The following RBFOX1 variants were observed in gnomAD, a reference collection of about 807,000 sequenced individuals.
RBFOX1 encodes RNA binding fox-1 homolog 1.
RBFOX1 carries 8 observed loss-of-function variants against 57.7 expected under a neutral mutation model. The ratio of observed to expected loss-of-function variants is 0.14; its 90% CI spans 0.08 to 0.25. The LOEUF (loss-of-function observed/expected upper bound fraction) is 0.25. Among genes scored for constraint, RBFOX1 ranks in the 10% least tolerant of loss-of-function variants. The probability of loss-of-function intolerance (pLI) is 1.00; values close to 1 mark genes in which losing one functional copy is unlikely to be tolerated. For missense variants in RBFOX1, 611 were observed against 548.5 expected (o/e 1.11, Z -1.14); for synonymous variants, 326 against 222.4 (o/e 1.47, Z -4.15).
At chr16:5,757,928 C>T (rs2053458050) in intron 3 of RBFOX1, among the ~76,000 whole-genome samples, 1 of 152,202 alleles carries the variant, frequency 6.6e-6, no homozygotes, top group Non-Finnish European at 1.5e-5. Flanking sequence ...TCTCGCTGGT[C>T]ATCACCACTG....
At chr16:5,846,318 C>T (rs569893801) in intron 3 of RBFOX1, among the ~76,000 whole-genome samples, 16 of 152,158 alleles carry the variant, frequency 1.1e-4, no homozygotes, top group South Asian at 8.3e-4. Flanking sequence ...GAGGGCACCC[C>T]CCTCTTAAAG....
intron 1 of RBFOX1, among the ~76,000 whole-genome samples, chr16:6,067,383 C>CAAATAAA (rs79297761): frequency 7.0e-6 from 1 of 143,492 alleles, no homozygotes; most frequent in Non-Finnish European, 1.5e-5. Context: ...AACAAACCAA[C>CAAATAAA]CAAACAAACA....
Position 5,525,806 on chromosome 16 carries a change from A to AC in RBFOX1, c.258+58553dup, listed in dbSNP as rs2044222643. Reference sequence around the variant, plus strand: ...AGCCACTGTGTCCAGCCTAGAGCCCACAGTCTTAACACAACAGTTCCCTCT... The same window carrying AC: ...AGCCACTGTGTCCAGCCTAGAGCCCACCAGTCTTAACACAACAGTTCCCTCT... On this transcript the variant is annotated intron_variant, in intron 2 of 2. Transcript: ENST00000585867. 2.6e-5 allele frequency among the ~76,000 whole-genome samples: 4 copies of AC among 152,150 alleles called. No individual in the cohort carries two copies. In the South Asian group the frequency reaches 8.3e-4, roughly 32 times the overall value.
chr16:7,285,754 G>A (rs1179505003), intron 4 of RBFOX1, among the ~76,000 whole-genome samples: 1 of 152,166 alleles, frequency 6.6e-6, no homozygotes, highest in African/African-American at 2.4e-5. Flanking sequence ...TGGTATGGAT[G>A]TACCACAGTT....
chr16:6,634,118 C>T (rs1217438457), intron 2 of RBFOX1, among the ~76,000 whole-genome samples: 1 of 152,090 alleles, frequency 6.6e-6, no homozygotes, highest in Non-Finnish European at 1.5e-5. Context: ...CAGACTATAT[C>T]TATATTCTAC....
chr16:6,969,563 C>T (rs1001927534), intron 3 of RBFOX1, among the ~76,000 whole-genome samples: 2 of 151,440 alleles, frequency 1.3e-5, no homozygotes, highest in African/African-American at 2.4e-5. Context: ...AATGAGACCT[C>T]GTCTCTACAA....
In RBFOX1 at chr16:6,467,516, T is replaced by C. The variant is rs185620736; in HGVS notation, c.-64+150459T>C. Among the ~76,000 whole-genome samples the C allele has an allele frequency of 1.9e-3, 285 of 152,308 alleles. 1 individual carries two copies. The highest frequency in any genetic ancestry group is 6.6e-3 in the African/African-American group (276 of 41,568). ...ATTTATATCCCCTAGAAGTATACTA[T>C]GCTGAGACAGGAGTTCTTAGCTGTA... On this transcript the variant is annotated intron_variant, in intron 2 of 15. Transcript: ENST00000550418.
At chr16:7,104,647 G>T (rs1417514933) in intron 4 of RBFOX1, among the ~76,000 whole-genome samples, 2 of 151,976 alleles carry the variant, frequency 1.3e-5, no homozygotes, top group Admixed American at 1.3e-4. Flanking sequence ...ATTTACATCG[G>T]GACACCAGAA....
At chr16:6,593,674 A>G (rs1341490455) in intron 2 of RBFOX1, among the ~76,000 whole-genome samples, 1 of 152,186 alleles carries the variant, frequency 6.6e-6, no homozygotes, top group East Asian at 1.9e-4. Context: ...TATGCCAATA[A>G]AAAGGTGAAT....
intron 4 of RBFOX1, among the ~76,000 whole-genome samples, chr16:7,099,758 T>A (rs2062350276): frequency 6.6e-6 from 1 of 152,140 alleles, no homozygotes; most frequent in Non-Finnish European, 1.5e-5. Context: ...ATAGGTAGAT[T>A]TACACATATT....
Position 6,230,754 on chromosome 16 carries a change from T to G in RBFOX1, c.-126-86241T>G, listed in dbSNP as rs913902575. Among the ~76,000 whole-genome samples, 3 of 152,204 alleles carry G rather than the reference T, an allele frequency of 2.0e-5. No homozygotes were observed. In the East Asian group the frequency reaches 5.8e-4, roughly 29 times the overall value. On this transcript the variant is annotated intron_variant, in intron 1 of 15. Transcript: ENST00000550418. ...AGGAAAGAGCTGCACACCTGGGCTG[T>G]GACCTTCTGGGAGATGAAGTCCAAG...
intron 2 of RBFOX1, among the ~76,000 whole-genome samples, chr16:6,494,549 T>C (rs723136): frequency 0.12 from 18,027 of 152,256 alleles, 1,932 homozygotes; most frequent in East Asian, 0.43. Flanking sequence ...TAATTTTGCA[T>C]GGTATATATA....
chr16:7,191,565 AT>A (rs2152635374), intron 4 of RBFOX1, among the ~76,000 whole-genome samples: 1 of 152,342 alleles, frequency 6.6e-6, no homozygotes, highest in African/African-American at 2.4e-5. Flanking sequence ...TATTTTACAT[AT>A]CATCTTCAAA....
rs562309911 is a variant in RBFOX1 at position 5,368,275 on chromosome 16, C to G, written c.220-98941C>G. Among the ~76,000 whole-genome samples the G allele has an allele frequency of 1.4e-4, 22 of 152,332 alleles. No homozygotes were observed. The South Asian group carries it at 2.1e-3, about 14-fold the overall frequency. The stretch of plus-strand genomic sequence containing the variant: ...TTAATAACTTTTTTTACGCTTGCGA[C>G]TGCATTTTCATCTCTAGGTTTTGTT... On this transcript the variant is annotated intron_variant, in intron 1 of 2. Transcript: ENST00000585867.
At chr16:7,137,484 C>T (rs549586902) in intron 4 of RBFOX1, among the ~76,000 whole-genome samples, 31 of 152,116 alleles carry the variant, frequency 2.0e-4, no homozygotes, top group Non-Finnish European at 2.4e-4. Context: ...CTCTCTTGCC[C>T]GCTGCCAATG....
In RBFOX1 at chr16:7,189,879, C is replaced by T. The variant is rs73546563; in HGVS notation, c.27+137781C>T. ...ATCGCCTTTATGTCTGCAATAGGCC[C>T]AACTCACATCCATAAGAAAAACAGA... On this transcript the variant is annotated intron_variant, in intron 4 of 15. Transcript: ENST00000550418. Among the ~76,000 whole-genome samples the T allele has an allele frequency of 5.6e-3, 846 of 152,302 alleles. 9 individuals are homozygous for T. Among genetic ancestry groups the T allele is most frequent in the African/African-American group, 0.019 (790 of 41,560 alleles).
chr16:6,685,612 TTAAACCA>T (rs2059338551), intron 3 of RBFOX1, among the ~76,000 whole-genome samples: 1 of 152,036 alleles, frequency 6.6e-6, no homozygotes, highest in Non-Finnish European at 1.5e-5. Context: ...TTGGTCACAC[TTAAACCA>T]AGTCCAGACA....
intron 4 of RBFOX1, among the ~76,000 whole-genome samples, chr16:5,871,079 C>G (rs1437010666): frequency 2.0e-5 from 3 of 152,164 alleles, no homozygotes; most frequent in African/African-American, 7.2e-5. Context: ...AACATGACAG[C>G]AAGCTGTTTG....
intron 3 of RBFOX1, among the ~76,000 whole-genome samples, chr16:5,617,190 A>C (rs138171729): frequency 3.5e-4 from 53 of 152,192 alleles, no homozygotes; most frequent in African/African-American, 1.2e-3. Flanking sequence ...CTCTGTGCCA[A>C]CATCCCCTCA....
Sources: gnomAD v4.1 joint callset for allele counts (sites outside exome capture counted in the v4.1 genomes callset) on GRCh38, gnomAD v4.1.1 for gene constraint, MANE v1.5 for transcripts, NCBI Gene and HGNC (gene_info 2026-07-23, HGNC 2026-07-21) for gene names.